TMED10: variants seen among roughly 807,000 people sequenced by gnomAD.
TMED10 encodes the protein transmembrane emp24 domain-containing protein 10.
In TMED10, 7 loss-of-function variants were observed where a neutral mutation model predicts 23.1. That is an observed-to-expected ratio of 0.30 (90% CI 0.17 to 0.57). The LOEUF is 0.57. Among genes scored for constraint, TMED10 ranks in the 20% least tolerant of loss-of-function variants. The pLI, the probability that TMED10 is intolerant of heterozygous loss-of-function variation, is 0.91. For missense variants in TMED10, 162 were observed against 274.8 expected (o/e 0.59, Z 2.90); for synonymous variants, 113 against 106.9 (o/e 1.06, Z -0.35).
intron 1 of TMED10, among the ~76,000 whole-genome samples, chr14:75,153,419 C>T (rs545676877): frequency 6.6e-6 from 1 of 152,284 alleles, no homozygotes; most frequent in African/African-American, 2.4e-5. Flanking sequence ...CAAAGAATGG[C>T]CTATCAGCAC....
intron 1 of TMED10, among the ~76,000 whole-genome samples, chr14:75,158,453 G>A (rs1036015194): frequency 3.9e-5 from 6 of 152,086 alleles, no homozygotes; most frequent in South Asian, 2.1e-4. Flanking sequence ...TCAGTCTTCC[G>A]CGTAGCTGGG....
chr14:75,147,598 C>T (rs1481576169), intron 3 of TMED10, 66 bp downstream of exon 3: 9 of 1,527,674 alleles, frequency 5.9e-6, no homozygotes, highest in African/African-American at 5.5e-5. Context: ...GTTGGCCTGC[C>T]GAGGTCACAG....
chr14:75,142,940 C>A (rs1274355209), intron 3 of TMED10, among the ~76,000 whole-genome samples: 2 of 152,068 alleles, frequency 1.3e-5, no homozygotes, highest in African/African-American at 4.8e-5. Flanking sequence ...CTCACTGCAA[C>A]CTCTGCCTCC....
intron 3 of TMED10, among the ~76,000 whole-genome samples, chr14:75,146,362 G>C (rs969716021): frequency 3.9e-5 from 6 of 152,174 alleles, no homozygotes; most frequent in Admixed American, 6.5e-5. Flanking sequence ...GCTGTCCAAA[G>C]AGAGAGCAAC....
intron 1 of TMED10, among the ~76,000 whole-genome samples, chr14:75,152,843 G>T (rs886305907): frequency 9.2e-5 from 14 of 152,094 alleles, no homozygotes; most frequent in Non-Finnish European, 1.6e-4. Flanking sequence ...GACCTGGCTG[G>T]GCGCGGTGGC....
intron 1 of TMED10, among the ~76,000 whole-genome samples, chr14:75,173,328 G>C (rs1161679261): frequency 6.6e-6 from 1 of 151,900 alleles, no homozygotes; most frequent in East Asian, 1.9e-4. Context: ...GGTCAAGGCT[G>C]CAGTGAGCTG....
intron 1 of TMED10, among the ~76,000 whole-genome samples, chr14:75,175,350 T>C (rs1896290114): frequency 6.6e-6 from 1 of 152,206 alleles, no homozygotes; most frequent in South Asian, 2.1e-4. Context: ...GACTAGAGAC[T>C]GAGACCATTT....
chr14:75,171,328 G>A (rs1257366915), intron 1 of TMED10, among the ~76,000 whole-genome samples: 1 of 150,526 alleles, frequency 6.6e-6, no homozygotes, highest in East Asian at 1.9e-4. Flanking sequence ...CACCCAGGCT[G>A]GAGTGCCGTG....
At chr14:75,168,619 C>T (rs141007138) in intron 1 of TMED10, among the ~76,000 whole-genome samples, 2 of 152,274 alleles carry the variant, frequency 1.3e-5, no homozygotes, top group African/African-American at 4.8e-5. Context: ...GAAACAGGAC[C>T]AGAGAAGAAG....
intron 3 of TMED10, 31 bp from the exon 4 acceptor site, chr14:75,135,917 T>G: frequency 6.2e-7 from 1 of 1,610,764 alleles, no homozygotes; most frequent in Non-Finnish European, 8.5e-7. Context: ...TTCAGCTCTC[T>G]GAAAACATCG....
chr14:75,175,320 C>G (rs1053760693), intron 1 of TMED10, among the ~76,000 whole-genome samples: 1 of 152,176 alleles, frequency 6.6e-6, no homozygotes, highest in East Asian at 1.9e-4. Context: ...AGTCCAGATT[C>G]TGGCATACCA....
rs1252322118 is a variant in TMED10, at chr14:75,138,823, T to A, written c.412-2937A>T. On this transcript the variant is annotated intron_variant, in intron 3 of 4. Transcript: ENST00000303575. Reference sequence around the variant, plus strand: ...CACAGCCTTTGCTTCTTTTTTTTTTTTTTTTTTTTATTTTTGTTGTTGTTG... The same window carrying A: ...CACAGCCTTTGCTTCTTTTTTTTTTATTTTTTTTTATTTTTGTTGTTGTTG... Among the ~76,000 whole-genome samples the A allele has an allele frequency of 1.8e-5, 2 of 110,740 alleles. 1 individual carries two copies. Among genetic ancestry groups the A allele is most frequent in the African/African-American group, 6.1e-5 (2 of 33,038 alleles). The allele number at this position is 110,740 out of a possible 152,430, so 72.6% of individuals were successfully genotyped here. A position where few individuals can be genotyped will look rare whatever the true frequency, so the allele number is the denominator to read the frequency against.
intron 3 of TMED10, among the ~76,000 whole-genome samples, chr14:75,146,350 G>A (rs1168106921): frequency 6.6e-6 from 1 of 152,198 alleles, no homozygotes; most frequent in Non-Finnish European, 1.5e-5. Flanking sequence ...CCCTTCCAAA[G>A]TGCTGTCCAA....
intron 3 of TMED10, among the ~76,000 whole-genome samples, chr14:75,138,107 T>C (rs961840185): frequency 4.6e-5 from 7 of 152,234 alleles, no homozygotes; most frequent in African/African-American, 9.6e-5. Flanking sequence ...TTCATTGTCC[T>C]TGTCCTTTTC....
Position 75,176,396 on chromosome 14 carries a change from C to A in TMED10, c.184G>T (p.Asp62Tyr). 1 of 1,614,206 alleles carries A rather than the reference C, an allele frequency of 6.2e-7. No homozygotes were observed. The highest frequency in any genetic ancestry group is 1.1e-5 in the South Asian group (1 of 91,062). Residue 62 changes from aspartate (D) to tyrosine (Y), a missense_variant, in exon 1 of 5, where the codon GAC becomes TAC. Asp to Tyr is a radical substitution (Grantham distance 160). Transcript: ENST00000303575. ...LLVTGAYEIS[D>Y]QSGGAGGLRS... Reference sequence around the variant, plus strand: ...AGGCCGCCAGCGCCCCCAGACTGGTCGGAGATCTCGTACGCGCCAGTCACT... The same window carrying A: ...AGGCCGCCAGCGCCCCCAGACTGGTAGGAGATCTCGTACGCGCCAGTCACT...
intron 1 of TMED10, among the ~76,000 whole-genome samples, chr14:75,154,965 T>C (rs1896004571): frequency 8.3e-6 from 1 of 119,844 alleles, no homozygotes; most frequent in Admixed American, 8.1e-5. Context: ...ACCTGGCCCT[T>C]TTTTTTTTTT....
intron 3 of TMED10, 42 bp downstream of exon 3, chr14:75,147,622 T>C (rs775588204): frequency 9.3e-6 from 15 of 1,605,412 alleles, no homozygotes; most frequent in Non-Finnish European, 1.3e-5. Context: ...CCTCACAGCA[T>C]AGCACACTGC....
chr14:75,165,462 G>T (rs536330450), intron 1 of TMED10, among the ~76,000 whole-genome samples: 3 of 152,128 alleles, frequency 2.0e-5, no homozygotes, highest in Non-Finnish European at 4.4e-5. Context: ...TCCTGACCTT[G>T]TGATCCTCCC....
chr14:75,134,676 A>C lies in TMED10; in HGVS notation c.*209T>G. On this transcript the variant is annotated 3_prime_UTR_variant, in exon 5 of 5. Coordinates refer to ENST00000303575, the MANE Select transcript of TMED10 (RefSeq NM_006827.6). ...TAGACCTATTGTTGCAAAACCAGTCAAAATCCTACCAAATTAAAAAGAAGT... is the reference window on the plus strand; with the variant it reads ...TAGACCTATTGTTGCAAAACCAGTCCAAATCCTACCAAATTAAAAAGAAGT... The C allele has an allele frequency of 1.7e-6, 1 of 582,814 alleles. No homozygotes were observed. Among genetic ancestry groups the C allele is most frequent in the Non-Finnish European group, 2.9e-6 (1 of 342,806 alleles). 36.1% of individuals were successfully genotyped at this position (582,814 alleles called of 1,614,324 possible).
Sources: allele counts gnomAD v4.1 joint callset (sites outside exome capture counted in the v4.1 genomes callset), GRCh38; gene constraint gnomAD v4.1.1; transcripts MANE v1.5; gene names NCBI Gene and HGNC (gene_info 2026-07-23, HGNC 2026-07-21).